The following SMAD2 variants were observed in gnomAD, a reference collection of about 807,000 sequenced individuals.
SMAD2 encodes the protein SMAD family member 2, also known as MAD homolog 2.
Under a neutral mutation model 64.4 loss-of-function variants are expected in SMAD2, and 8 were observed. The observed-to-expected ratio is 0.12, with a 90% CI of 0.07 to 0.22. SMAD2 has a LOEUF of 0.22. Among genes scored for constraint, SMAD2 ranks in the 10% least tolerant of loss-of-function variants. The probability of loss-of-function intolerance (pLI) is 1.00; values close to 1 mark genes in which losing one functional copy is unlikely to be tolerated. For synonymous variants in SMAD2, 203 were observed against 195.8 expected (o/e 1.04, Z -0.31); for missense variants, 289 against 561.2 (o/e 0.51, Z 4.90).
chr18:47,832,721 T>C lies in SMAD2; in HGVS notation c.*9106A>G, dbSNP rs1348428401. 6.6e-6 allele frequency: 1 copy of C among 152,148 alleles called. No individual in the cohort carries two copies. The highest frequency in any genetic ancestry group is 2.4e-5 in the African/African-American group (1 of 41,434). The allele number at this position is 152,148 out of a possible 1,614,324, so 9.4% of individuals were successfully genotyped here. On this transcript the variant is annotated 3_prime_UTR_variant, in exon 11 of 11. Coordinates refer to ENST00000262160, the MANE Select transcript of SMAD2 (RefSeq NM_005901.6). ...AAATGTTATTTTGTTAAAAGTATAT[T>C]TCAGCAAATTTCAACTTTGAAGATG... is the stretch of plus-strand genomic sequence containing the variant.
rs1598722300 is a variant in SMAD2 at position 47,820,108 on chromosome 18, G to C, written c.*21719C>G. On this transcript the variant is annotated 3_prime_UTR_variant, in exon 11 of 11. Coordinates refer to ENST00000262160, the MANE Select transcript of SMAD2 (RefSeq NM_005901.6). The stretch of plus-strand genomic sequence containing the variant: ...TAAATTAATCTTCAGTAAATGTCTG[G>C]ATCATTTCCAAAAAAAAACAATAAA... 1 of 151,972 alleles carries C rather than the reference G, an allele frequency of 6.6e-6. No homozygotes were observed. Among genetic ancestry groups the C allele is most frequent in the East Asian group, 1.9e-4 (1 of 5,182 alleles). The allele number at this position is 151,972 out of a possible 1,614,324, so 9.4% of individuals were successfully genotyped here. A position where few individuals can be genotyped will look rare whatever the true frequency, so the allele number is the denominator to read the frequency against.
In SMAD2 at chr18:47,824,070, G is replaced by GA. The variant is rs1912664810; in HGVS notation, c.*17756dup. 1 of 152,210 alleles carries GA rather than the reference G, an allele frequency of 6.6e-6. No individual in the cohort carries two copies. The highest frequency in any genetic ancestry group is 2.1e-4 in the South Asian group (1 of 4,830). The allele number at this position is 152,210 out of a possible 1,614,324, so 9.4% of individuals were successfully genotyped here. A position where few individuals can be genotyped will look rare whatever the true frequency, so the allele number is the denominator to read the frequency against. The stretch of plus-strand genomic sequence containing the variant: ...TTGCCAATCACTCCTGCCAATGCAG[G>GA]ATGCAGGACCAGACCAATAACCCGG... On this transcript the variant is annotated 3_prime_UTR_variant, in exon 11 of 11. Transcript: ENST00000262160.
intron 1 of SMAD2, among the ~76,000 whole-genome samples, chr18:47,909,939 G>A (rs564229125): frequency 4.6e-5 from 7 of 152,092 alleles, no homozygotes; most frequent in Non-Finnish European, 8.8e-5. Context: ...ATTACACACA[G>A]TACTCCATGG....
At chr18:47,885,994 G>A (rs560029502) in intron 2 of SMAD2, among the ~76,000 whole-genome samples, 21 of 152,234 alleles carry the variant, frequency 1.4e-4, no homozygotes, top group Admixed American at 2.6e-4. Flanking sequence ...ATATGGTGGG[G>A]GATGTACATA....
rs1352238155 is a variant in SMAD2 at position 47,838,288 on chromosome 18, T to C, written c.*3539A>G. ...TAAGGTAAAAAATACAACTAGGTAT[T>C]AAACAATTTGTAAAAACTTACAAAG... On this transcript the variant is annotated 3_prime_UTR_variant, in exon 11 of 11. Transcript: ENST00000262160. The C allele has an allele frequency of 4.3e-6, 1 of 233,052 alleles. No individual in the cohort carries two copies. The highest frequency in any genetic ancestry group is 2.2e-5 in the African/African-American group (1 of 45,332). 14.4% of individuals were successfully genotyped at this position (233,052 alleles called of 1,614,324 possible).
rs1420467105 is a variant in SMAD2, at chr18:47,832,780, G to A, written c.*9047C>T. The A allele has an allele frequency of 6.6e-6, 1 of 152,080 alleles. No individual in the cohort carries two copies. The highest frequency in any genetic ancestry group is 1.5e-5 in the Non-Finnish European group (1 of 68,054). 9.4% of individuals were successfully genotyped at this position (152,080 alleles called of 1,614,324 possible). On this transcript the variant is annotated 3_prime_UTR_variant, in exon 11 of 11. Coordinates refer to ENST00000262160, the MANE Select transcript of SMAD2 (RefSeq NM_005901.6). The stretch of plus-strand genomic sequence containing the variant: ...TACAGCATAGATCTTATGTATTAGA[G>A]CGCTAATGTAGCATAGGCAAACTCT...
Position 47,809,082 on chromosome 18 carries a change from T to C in SMAD2, c.*32745A>G, listed in dbSNP as rs1257146378. ...AAACCAATGGTGCCTAAGGCGGTGC[T>C]GAAGGAAGAATTCTCAGCAGCAGTT... On this transcript the variant is annotated 3_prime_UTR_variant, in exon 11 of 11. Coordinates refer to ENST00000262160, the MANE Select transcript of SMAD2 (RefSeq NM_005901.6). The C allele has an allele frequency of 6.6e-6, 1 of 152,192 alleles. No homozygotes were observed. Among genetic ancestry groups the C allele is most frequent in the Non-Finnish European group, 1.5e-5 (1 of 68,042 alleles). The allele number at this position is 152,192 out of a possible 1,614,324, so 9.4% of individuals were successfully genotyped here. A position where few individuals can be genotyped will look rare whatever the true frequency, so the allele number is the denominator to read the frequency against.
chr18:47,850,581 A>ATGTATAATATATATTATATGT (rs1568041973), intron 7 of SMAD2, among the ~76,000 whole-genome samples: 1 of 27,768 alleles, frequency 3.6e-5, no homozygotes, highest in Non-Finnish European at 5.6e-5. Flanking sequence ...ATTATATATT[A>ATGTATAATATATATTATATGT]TATATATATT....
chr18:47,924,275 A>G (rs1311224013), intron 1 of SMAD2, among the ~76,000 whole-genome samples: 1 of 151,712 alleles, frequency 6.6e-6, no homozygotes. Flanking sequence ...AGAATTTTAA[A>G]AGTGGATCTC....
At chr18:47,897,577 C>T (rs2033497207) in intron 1 of SMAD2, among the ~76,000 whole-genome samples, 1 of 152,158 alleles carries the variant, frequency 6.6e-6, no homozygotes, top group Admixed American at 6.5e-5. Flanking sequence ...ACATTCCCAC[C>T]TTATTGCTGT....
In SMAD2 at chr18:47,837,950, C is replaced by A; in HGVS notation, c.*3877G>T. 1 of 232,648 alleles carries A rather than the reference C, an allele frequency of 4.3e-6. No homozygotes were observed. Among genetic ancestry groups the A allele is most frequent in the African/African-American group, 2.2e-5 (1 of 45,376 alleles). 14.4% of individuals were successfully genotyped at this position (232,648 alleles called of 1,614,324 possible). A position where few individuals can be genotyped will look rare whatever the true frequency, so the allele number is the denominator to read the frequency against. ...TCCCAACATAAACCTACGCCACCCT[C>A]AGACGAAGAGGGTATCTAACACTGA... On this transcript the variant is annotated 3_prime_UTR_variant, in exon 11 of 11. Transcript: ENST00000262160.
intron 1 of SMAD2, among the ~76,000 whole-genome samples, chr18:47,915,113 A>G (rs1017467570): frequency 7.9e-5 from 12 of 152,184 alleles, no homozygotes; most frequent in African/African-American, 2.7e-4. Context: ...TCTAGCTGTC[A>G]TATCTTAGCA....
intron 6 of SMAD2, among the ~76,000 whole-genome samples, chr18:47,864,186 A>C (rs756242163): frequency 6.6e-6 from 1 of 152,210 alleles, no homozygotes; most frequent in Non-Finnish European, 1.5e-5. Flanking sequence ...TCATTAGATT[A>C]TCTACCTTTC....
intron 1 of SMAD2, among the ~76,000 whole-genome samples, chr18:47,906,159 CTGAGCATCACAA>C (rs2033895063): frequency 6.6e-6 from 1 of 151,730 alleles, no homozygotes; most frequent in African/African-American, 2.4e-5. Flanking sequence ...AAAATACAGG[CTGAGCATCACAA>C]ATCCGAAAAC....
chr18:47,900,226 T>C (rs2033629413), intron 1 of SMAD2, among the ~76,000 whole-genome samples: 1 of 152,130 alleles, frequency 6.6e-6, no homozygotes, highest in African/African-American at 2.4e-5. Context: ...AAAAAAAATT[T>C]TCATACTAAG....
chr18:47,881,187 T>C (rs1050349041), intron 2 of SMAD2, among the ~76,000 whole-genome samples: 1 of 152,222 alleles, frequency 6.6e-6, no homozygotes, highest in African/African-American at 2.4e-5. Flanking sequence ...TTTAGAATTT[T>C]GTGCAGTTTG....
chr18:47,886,964 G>C (rs558859044), intron 2 of SMAD2: 1 of 151,424 alleles, frequency 6.6e-6, no homozygotes, highest in Non-Finnish European at 1.5e-5. Context: ...AAAATGGCAT[G>C]TATTTCACGT....
chr18:47,908,364 T>C (rs888444094), intron 1 of SMAD2, among the ~76,000 whole-genome samples: 2 of 152,162 alleles, frequency 1.3e-5, no homozygotes, highest in African/African-American at 4.8e-5. Flanking sequence ...GTTTAAACTG[T>C]ATAGGTCCAT....
chr18:47,870,530 T>C lies in SMAD2; in HGVS notation c.271A>G (p.Asn91Asp), dbSNP rs750419429. Residue 91 changes from asparagine to aspartate, a missense_variant, in exon 3 of 11, where the codon AAT becomes GAT. Transcript: ENST00000262160. ...CSEIWGLSTPNTIDQWDTTGL... is the reference protein window; with the variant it reads ...CSEIWGLSTPDTIDQWDTTGL... The stretch of plus-strand genomic sequence containing the variant: ...GTTGTATCCCACTGATCTATCGTAT[T>C]TGGTGTACTCAGTCCCCAAATTTCA... The C allele has an allele frequency of 6.2e-7, 1 of 1,613,734 alleles. No individual in the cohort carries two copies. Among genetic ancestry groups the C allele is most frequent in the Non-Finnish European group, 8.5e-7 (1 of 1,179,704 alleles).
Sources: gnomAD v4.1 joint callset for allele counts (sites outside exome capture counted in the v4.1 genomes callset) on GRCh38, gnomAD v4.1.1 for gene constraint, MANE v1.5 for transcripts, NCBI Gene and HGNC (gene_info 2026-07-23, HGNC 2026-07-21) for gene names.